ANO6: variants seen among roughly 807,000 people sequenced by gnomAD.
The protein encoded by ANO6 is anoctamin 6.
A neutral mutation model predicts 117.5 loss-of-function variants in ANO6; 106 were observed. The ratio of observed to expected loss-of-function variants is 0.90; its 90% confidence interval spans 0.77 to 1.06. ANO6 has a LOEUF of 1.06. ANO6 is among the 50% of genes least tolerant of loss of function. The probability of loss-of-function intolerance (pLI) is 0.00; values close to 1 mark genes in which losing one functional copy is unlikely to be tolerated. For synonymous variants in ANO6, 367 were observed against 385.1 expected, an observed-to-expected ratio of 0.95 and a Z score of 0.55; for missense variants, 955 against 1,121.1, an observed-to-expected ratio of 0.85 and a Z score of 2.12.
Position 45,331,456 on chromosome 12 carries a change from T to C in ANO6, c.279+33T>C, listed in dbSNP as rs774638142. ...TTTATGCTATTTTCCTTTCTTTTTA[T>C]TTCTTATATTGTAACATGAAAAAAC... On this transcript the variant is annotated intron_variant, in intron 3 of 19. Transcript: ENST00000320560. 2.2e-5 allele frequency: 34 copies of C among 1,563,668 alleles called. 1 individual carries two copies. In the African/African-American group the frequency reaches 4.2e-4, roughly 19 times the overall value.
intron 3 of ANO6, among the ~76,000 whole-genome samples, chr12:45,342,771 C>T (rs551740589): frequency 1.3e-5 from 2 of 152,258 alleles, no homozygotes; most frequent in African/African-American, 4.8e-5. Context: ...TTAAAAGACA[C>T]CACTGAAGTA....
chr12:45,405,277 A>G (rs902243009), intron 15 of ANO6, among the ~76,000 whole-genome samples: 1 of 152,186 alleles, frequency 6.6e-6, no homozygotes, highest in Non-Finnish European at 1.5e-5. Flanking sequence ...GGTTTTCTGA[A>G]AAAAGTAGGT....
intron 16 of ANO6, among the ~76,000 whole-genome samples, chr12:45,415,912 G>T (rs897828741): frequency 6.6e-6 from 1 of 152,116 alleles, no homozygotes; most frequent in Non-Finnish European, 1.5e-5. Context: ...GGAGGGCAGG[G>T]TCTAAAACTT....
At chr12:45,323,848 A>T in intron 2 of ANO6, among the ~76,000 whole-genome samples, 1 of 38,470 alleles carries the variant, frequency 2.6e-5, no homozygotes, top group East Asian at 1.0e-3. Context: ...CTTTTAAGAG[A>T]GTTTTGTAAG....
intron 1 of ANO6, among the ~76,000 whole-genome samples, chr12:45,231,145 A>G (rs891439200): frequency 6.6e-6 from 1 of 152,206 alleles, no homozygotes; most frequent in Non-Finnish European, 1.5e-5. Flanking sequence ...TAATTTTCCT[A>G]CAAAACTAGA....
At chr12:45,253,532 T>G (rs1386611080) in intron 1 of ANO6, among the ~76,000 whole-genome samples, 1 of 152,172 alleles carries the variant, frequency 6.6e-6, no homozygotes, top group African/African-American at 2.4e-5. Flanking sequence ...AGAAGATACA[T>G]GCAAACATTA....
At chr12:45,265,476 G>A (rs1367392603) in intron 1 of ANO6, among the ~76,000 whole-genome samples, 1 of 152,118 alleles carries the variant, frequency 6.6e-6, no homozygotes, top group Non-Finnish European at 1.5e-5. Flanking sequence ...GATAATGATA[G>A]CAGTTATGTC....
At chr12:45,360,259 G>A (rs538317982) in intron 8 of ANO6, among the ~76,000 whole-genome samples, 186 of 152,332 alleles carry the variant, frequency 1.2e-3, no homozygotes, top group Middle Eastern at 3.4e-3. Context: ...TAGTTACAGA[G>A]GCTGGAAATT....
intron 1 of ANO6, among the ~76,000 whole-genome samples, chr12:45,267,222 T>A (rs1938248482): frequency 6.6e-6 from 1 of 152,206 alleles, no homozygotes; most frequent in South Asian, 2.1e-4. Flanking sequence ...ATTTGGTTTC[T>A]CCTGAGGCTT....
intron 2 of ANO6, among the ~76,000 whole-genome samples, chr12:45,307,097 A>G (rs1471692542): frequency 6.6e-6 from 1 of 152,150 alleles, no homozygotes; most frequent in African/African-American, 2.4e-5. Flanking sequence ...GGCCATTGTA[A>G]AGACTTTGGT....
chr12:45,330,572 G>T (rs779738139), intron 2 of ANO6, among the ~76,000 whole-genome samples: 131 of 152,054 alleles, frequency 8.6e-4, no homozygotes, highest in Admixed American at 9.8e-4. Context: ...ATGTTCACAG[G>T]TATTTTTGTA....
At chr12:45,425,874 G>T (rs1565774503) in intron 19 of ANO6, among the ~76,000 whole-genome samples, 1 of 152,212 alleles carries the variant, frequency 6.6e-6, no homozygotes, top group Admixed American at 6.5e-5. Context: ...TCTAAGATGT[G>T]TAAAGTGAGA....
At chr12:45,434,648 G>C (rs572749563), downstream of ANO6, among the ~76,000 whole-genome samples, 6 of 152,282 alleles carry the variant, frequency 3.9e-5, no homozygotes, top group Middle Eastern at 0.017. Flanking sequence ...AATCTCTCTG[G>C]AGACTCCAAC....
chr12:45,402,448 A>T (rs1056990889), intron 13 of ANO6, among the ~76,000 whole-genome samples: 1 of 152,148 alleles, frequency 6.6e-6, no homozygotes, highest in East Asian at 1.9e-4. Context: ...TATAATTCTC[A>T]TCAGCCCTTG....
chr12:45,226,090 G>T (rs1473209734), intron 1 of ANO6, among the ~76,000 whole-genome samples: 2 of 152,144 alleles, frequency 1.3e-5, no homozygotes, highest in Non-Finnish European at 2.9e-5. Flanking sequence ...TGGTAGATGA[G>T]TATGTCAACA....
At chr12:45,438,840 A>G (rs1486028402) in intron 19 of ANO6, among the ~76,000 whole-genome samples, 3 of 152,196 alleles carry the variant, frequency 2.0e-5, no homozygotes, top group Admixed American at 2.0e-4. Context: ...AGCCATATGC[A>G]GGGAGTAATT....
At chr12:45,227,381 A>C (rs1947500719) in intron 1 of ANO6, among the ~76,000 whole-genome samples, 2 of 152,184 alleles carry the variant, frequency 1.3e-5, no homozygotes, top group Admixed American at 6.5e-5. Context: ...TAAGGAGTGA[A>C]GAGGAAAGTC....
At chr12:45,363,494 G>A (rs577851346) in intron 8 of ANO6, among the ~76,000 whole-genome samples, 1 of 151,900 alleles carries the variant, frequency 6.6e-6, no homozygotes, top group South Asian at 2.1e-4. Context: ...AACCCGGGAG[G>A]CGGAGGTTGC....
chr12:45,337,920 TAGG>T (rs1017331593), intron 3 of ANO6, among the ~76,000 whole-genome samples: 7 of 152,102 alleles, frequency 4.6e-5, no homozygotes, highest in African/African-American at 1.7e-4. Context: ...ATATAAATGT[TAGG>T]AGGGAAGTGG....
Sources: gnomAD v4.1 joint callset for allele counts (sites outside exome capture counted in the v4.1 genomes callset) on GRCh38, gnomAD v4.1.1 for gene constraint, MANE v1.5 for transcripts, NCBI Gene and HGNC (gene_info 2026-07-23, HGNC 2026-07-21) for gene names.